Variants in PHLPP1 observed in about 807,000 individuals in gnomAD.
The protein encoded by PHLPP1 is PH domain leucine-rich repeat-containing protein phosphatase 1.
In PHLPP1, 42 loss-of-function variants were observed where a neutral mutation model predicts 117.2. That is an observed-to-expected ratio of 0.36 (90% CI 0.28 to 0.46). PHLPP1 has a LOEUF of 0.46. Among genes scored for constraint, PHLPP1 ranks in the 20% least tolerant of loss-of-function variants. PHLPP1 has a pLI of 1.00. For synonymous variants in PHLPP1, 1,042 were observed against 970.7 expected (o/e 1.07, Z -1.37); for missense variants, 2,084 against 2,241.9 (o/e 0.93, Z 1.42).
intron 1 of PHLPP1, among the ~76,000 whole-genome samples, chr18:62,731,993 A>C (rs749769450): frequency 4.0e-4 from 60 of 151,700 alleles, no homozygotes; most frequent in Non-Finnish European, 4.0e-4. Flanking sequence ...TGAAGGAAAT[A>C]AGCTTGTGTC....
intron 1 of PHLPP1, among the ~76,000 whole-genome samples, chr18:62,787,159 C>G (rs758843668): frequency 1.3e-5 from 2 of 151,384 alleles, no homozygotes; most frequent in Non-Finnish European, 2.9e-5. Context: ...CCTTTTTTTT[C>G]TCTCTTTTCT....
intron 1 of PHLPP1, among the ~76,000 whole-genome samples, chr18:62,817,753 A>T (rs1914331006): frequency 1.3e-5 from 2 of 152,156 alleles, no homozygotes; most frequent in South Asian, 4.1e-4. Context: ...GCTAAGAAGC[A>T]TAATTAAATT....
intron 7 of PHLPP1, among the ~76,000 whole-genome samples, chr18:62,903,409 T>G (rs1189229017): frequency 1.3e-5 from 2 of 152,136 alleles, no homozygotes; most frequent in African/African-American, 4.8e-5. Context: ...ACTTTTGATT[T>G]GATTTTTCTG....
intron 8 of PHLPP1, among the ~76,000 whole-genome samples, chr18:62,914,075 C>A (rs1917035832): frequency 6.6e-6 from 1 of 152,030 alleles, no homozygotes; most frequent in East Asian, 1.9e-4. Context: ...ACTGTAATTA[C>A]CATCTAGTGC....
rs375509307 is a variant in PHLPP1, at chr18:62,978,937, G to A, written c.4660G>A (p.Glu1554Lys). 77 of 1,608,884 alleles carry A rather than the reference G, an allele frequency of 4.8e-5. No individual in the cohort carries two copies. Among genetic ancestry groups the A allele is most frequent in the Non-Finnish European group, 5.5e-5 (65 of 1,177,696 alleles). Residue 1554 changes from glutamate (E) to lysine (K), a missense_variant, in exon 17 of 17, where the codon GAG (glutamate) becomes AAG (lysine). Physicochemically the swap from Glu to Lys is moderately conservative, Grantham distance 56. Transcript: ENST00000262719. The surrounding 1 kb of genome is among the most constrained non-coding windows in gnomAD (Gnocchi z 7.0). ...TGACAGTGACGATGAGGAGCCCATCGAGGGCGTCTTCACCAACGGCAGCCG... is the reference window on the plus strand; with the variant it reads ...TGACAGTGACGATGAGGAGCCCATCAAGGGCGTCTTCACCAACGGCAGCCG... The part of the protein sequence containing the change: ...GLDSDDEEPI[E>K]GVFTNGSRVE...
In PHLPP1 at chr18:62,978,548, TCAC is replaced by T. The variant is rs779767885; in HGVS notation, c.4272_4274del (p.Thr1425del). ...AGCGCTGTGGTGGTGCAGCTCAGTG[TCAC>T]TGAGGACAGCTTCTGCTGCTGCGAG... On this transcript the variant is annotated inframe_deletion, in exon 17 of 17. Transcript: ENST00000262719. The surrounding 1 kb of genome is among the most constrained non-coding windows in gnomAD (Gnocchi z 7.0). 3.7e-6 allele frequency: 6 copies of T among 1,612,090 alleles called. No homozygotes were observed. In the South Asian group the frequency reaches 6.6e-5, roughly 18 times the overall value.
intron 10 of PHLPP1, 61 bp downstream of exon 10, chr18:62,920,175 G>A (rs1909420175): frequency 1.4e-6 from 2 of 1,454,986 alleles, no homozygotes; most frequent in Non-Finnish European, 9.5e-7. Context: ...TTGTATCTTT[G>A]TCTTTCGTGA....
chr18:62,774,660 G>GT (rs1329140051), intron 1 of PHLPP1, among the ~76,000 whole-genome samples: 1 of 152,118 alleles, frequency 6.6e-6, no homozygotes, highest in African/African-American at 2.4e-5. Flanking sequence ...ATTATTTAAG[G>GT]TAACAATTTC....
chr18:62,846,505 G>T (rs1055536756), intron 3 of PHLPP1, among the ~76,000 whole-genome samples: 70 of 150,458 alleles, frequency 4.7e-4, no homozygotes, highest in African/African-American at 1.7e-3. Flanking sequence ...AGTTTGCAAA[G>T]ATACCCTGTA....
chr18:62,722,885 G>A (rs1461825912), intron 1 of PHLPP1, among the ~76,000 whole-genome samples: 7 of 152,158 alleles, frequency 4.6e-5, no homozygotes, highest in Admixed American at 4.6e-4. Context: ...GTGATATTAT[G>A]CTTTTTATCA....
intron 1 of PHLPP1, among the ~76,000 whole-genome samples, chr18:62,732,678 T>C (rs776804771): frequency 2.6e-5 from 4 of 152,242 alleles, no homozygotes; most frequent in Non-Finnish European, 5.9e-5. Context: ...ATTCCCTTGA[T>C]ACATCTGGAC....
intron 1 of PHLPP1, among the ~76,000 whole-genome samples, chr18:62,828,130 A>C (rs1914659956): frequency 6.6e-6 from 1 of 151,676 alleles, no homozygotes; most frequent in South Asian, 2.1e-4. Flanking sequence ...CATTGTTTTT[A>C]GTCCTTCACT....
chr18:62,838,352 G>T (rs1396639724), intron 2 of PHLPP1: 1 of 153,198 alleles, frequency 6.5e-6, no homozygotes, highest in Admixed American at 6.5e-5. Context: ...AGTTCTCATG[G>T]TAGGGTTTTA....
intron 6 of PHLPP1, among the ~76,000 whole-genome samples, chr18:62,902,273 A>G (rs985209787): frequency 3.9e-5 from 6 of 152,126 alleles, no homozygotes; most frequent in Admixed American, 3.3e-4. Flanking sequence ...AGATTTCTCA[A>G]TGGATTCTAG....
At chr18:62,912,279 G>A (rs1342031171) in intron 8 of PHLPP1, among the ~76,000 whole-genome samples, 2 of 142,074 alleles carry the variant, frequency 1.4e-5, no homozygotes, top group South Asian at 4.4e-4. Context: ...ATGTGCACAT[G>A]TACCCTAAAA....
chr18:62,821,944 T>A (rs1490795305), intron 1 of PHLPP1, among the ~76,000 whole-genome samples: 4 of 151,996 alleles, frequency 2.6e-5, no homozygotes, highest in African/African-American at 9.7e-5. Context: ...AAATTTTTTT[T>A]AATTAGCCGA....
At chr18:62,734,952 G>A (rs912958381) in intron 1 of PHLPP1, among the ~76,000 whole-genome samples, 6 of 152,156 alleles carry the variant, frequency 3.9e-5, no homozygotes, top group Non-Finnish European at 8.8e-5. Context: ...ACCAAGTCAT[G>A]TGAGGGACTT....
intron 1 of PHLPP1, among the ~76,000 whole-genome samples, chr18:62,766,076 A>AAAAAAAATATATATATATATATAT: frequency 4.6e-5 from 1 of 21,662 alleles, no homozygotes; most frequent in African/African-American, 1.5e-4. Flanking sequence ...AAAAAAAAAA[A>AAAAAAAATATATATATATATATAT]ATATATATAT....
chr18:62,874,655 G>A (rs944949635), intron 4 of PHLPP1, among the ~76,000 whole-genome samples: 57 of 59,018 alleles, frequency 9.7e-4, no homozygotes, highest in Non-Finnish European at 1.1e-3. Context: ...GCACGCACGC[G>A]CGCACACACA....
Sources: allele counts gnomAD v4.1 joint callset (sites outside exome capture counted in the v4.1 genomes callset), GRCh38; gene constraint gnomAD v4.1.1; non-coding constraint Gnocchi (gnomAD v3.1); transcripts MANE v1.5; gene names NCBI Gene and HGNC (gene_info 2026-07-23, HGNC 2026-07-21).